The following PRELID2 variants were observed in gnomAD, a reference collection of about 807,000 sequenced individuals.
PRELID2 encodes the protein PRELI domain containing 2.
In PRELID2, 25 loss-of-function variants were observed where a neutral mutation model predicts 28.4. That is an observed-to-expected ratio of 0.88 (90% CI 0.64 to 1.23). The LOEUF (loss-of-function observed/expected upper bound fraction) is 1.23, where lower values mean the gene tolerates loss of function less well. Among genes scored for constraint, PRELID2 ranks in the 50% most tolerant of loss-of-function variants. The pLI, the probability that PRELID2 is intolerant of heterozygous loss-of-function variation, is 0.00. For missense variants in PRELID2, 201 were observed against 214.4 expected (o/e 0.94, Z 0.39); for synonymous variants, 76 against 71.6 (o/e 1.06, Z -0.31).
intron 1 of PRELID2, among the ~76,000 whole-genome samples, chr5:145,603,989 T>C (rs1456578862): frequency 6.6e-6 from 1 of 151,878 alleles, no homozygotes; most frequent in African/African-American, 2.4e-5. Context: ...TGAAAGGAAA[T>C]TAAAAATACT....
chr5:145,424,086 T>C, the PRELID2 span, among the ~76,000 whole-genome samples: 1 of 151,276 alleles, frequency 6.6e-6, no homozygotes, highest in African/African-American at 2.4e-5. Context: ...GGAGGCAGTC[T>C]GCCTGTTCTC....
intron 5 of PRELID2, chr5:145,795,436 T>C (rs1428405524): frequency 6.6e-6 from 1 of 152,070 alleles, no homozygotes; most frequent in Non-Finnish European, 1.5e-5. Flanking sequence ...TACAGAACGG[T>C]ACTGAATATT....
At chr5:145,407,477 C>T in the PRELID2 span, among the ~76,000 whole-genome samples, 5 of 152,212 alleles carry the variant, frequency 3.3e-5, no homozygotes, top group Non-Finnish European at 5.9e-5. Context: ...AGAGTCTGAG[C>T]TCAGACATGC....
intron 1 of PRELID2, among the ~76,000 whole-genome samples, chr5:145,519,771 A>C (rs955131055): frequency 2.0e-5 from 3 of 152,234 alleles, no homozygotes; most frequent in African/African-American, 7.2e-5. Context: ...ATTAAAATTA[A>C]TTGAAAGTGC....
the PRELID2 span, among the ~76,000 whole-genome samples, chr5:145,438,076 G>A: frequency 6.6e-6 from 1 of 152,040 alleles, no homozygotes; most frequent in Non-Finnish European, 1.5e-5. Context: ...CCTCACCTGA[G>A]CCAGGAAGCA....
the PRELID2 span, among the ~76,000 whole-genome samples, chr5:145,466,015 T>C: frequency 5.9e-5 from 9 of 152,160 alleles, no homozygotes; most frequent in Admixed American, 5.2e-4. Flanking sequence ...AAATTTTCCC[T>C]GAGCTGAGAC....
the PRELID2 span, among the ~76,000 whole-genome samples, chr5:145,371,583 A>G: frequency 1.3e-5 from 2 of 151,518 alleles, no homozygotes; most frequent in Admixed American, 6.6e-5. Context: ...TTTTTTTGTT[A>G]TGTCTCTTCC....
intron 1 of PRELID2, among the ~76,000 whole-genome samples, chr5:145,482,721 C>A (rs978663388): frequency 1.3e-5 from 2 of 151,648 alleles, no homozygotes; most frequent in Non-Finnish European, 2.9e-5. Context: ...TACAACTCAC[C>A]ATAATGTAGA....
chr5:145,409,265 C>T, the PRELID2 span, among the ~76,000 whole-genome samples: 2 of 152,206 alleles, frequency 1.3e-5, no homozygotes, highest in African/African-American at 4.8e-5. Flanking sequence ...AATAGAACCT[C>T]CTTAAAGCAT....
chr5:145,774,715 C>T (rs1382667020), intron 5 of PRELID2, among the ~76,000 whole-genome samples: 2 of 152,096 alleles, frequency 1.3e-5, no homozygotes, highest in African/African-American at 4.8e-5. Context: ...ACTATTAGGC[C>T]CAGCAGGGTA....
chr5:145,229,927 A>G, the PRELID2 span: 9 of 750,932 alleles, frequency 1.2e-5, no homozygotes, highest in African/African-American at 1.0e-4. Context: ...TCTCTCTACA[A>G]TGAGGAGCTG....
At chr5:145,823,015 A>G (rs1754935557) in intron 2 of PRELID2, 62 bp downstream of exon 2, 12 of 929,408 alleles carry the variant, frequency 1.3e-5, no homozygotes, top group East Asian at 2.4e-5. Flanking sequence ...ACGTACACAC[A>G]TCTTTACAAA....
chr5:145,803,735 T>TAAAAA (rs11368542), intron 4 of PRELID2, among the ~76,000 whole-genome samples: 7 of 134,714 alleles, frequency 5.2e-5, no homozygotes, highest in Admixed American at 1.5e-4. Context: ...CAATTTAAAG[T>TAAAAA]AAAAAAAAAA....
At chr5:145,611,950 A>G (rs73311546) in intron 1 of PRELID2, among the ~76,000 whole-genome samples, 4,608 of 152,330 alleles carry the variant, frequency 0.03, 223 homozygotes, top group African/African-American at 0.1. Flanking sequence ...ACAAACATTG[A>G]CAAATAGACC....
Position 145,723,324 on chromosome 5 carries a change from G to A in PRELID2, n.70+41607C>T, listed in dbSNP as rs77699360. Among the ~76,000 whole-genome samples, 789 of 152,236 alleles carry A rather than the reference G, an allele frequency of 5.2e-3. 7 individuals are homozygous for A. Among genetic ancestry groups the A allele is most frequent in the African/African-American group, 0.016 (684 of 41,538 alleles). On this transcript the variant is annotated intron_variant and non_coding_transcript_variant, in intron 1 of 2. Coordinates refer to the PRELID2 transcript ENST00000510259. ...TTTTATACAAAAACACTACAGAAAC[G>A]TGCAAGACTTGTACCAAATATCCTA...
chr5:145,607,693 T>C (rs1753524807), intron 1 of PRELID2, among the ~76,000 whole-genome samples: 1 of 152,146 alleles, frequency 6.6e-6, no homozygotes, highest in South Asian at 2.1e-4. Flanking sequence ...GTATGCCACA[T>C]GCAGATGGGA....
intron 1 of PRELID2, among the ~76,000 whole-genome samples, chr5:145,676,311 G>A (rs977557299): frequency 5.9e-5 from 9 of 151,924 alleles, no homozygotes; most frequent in African/African-American, 1.5e-4. Context: ...CAGCCAAGGC[G>A]GGCAGATCAC....
chr5:145,341,209 AT>A, the PRELID2 span, among the ~76,000 whole-genome samples: 12 of 152,236 alleles, frequency 7.9e-5, no homozygotes, highest in Admixed American at 7.2e-4. Flanking sequence ...GAAAAAAAAA[AT>A]GATGCCCCCA....
At chr5:145,414,460 C>G in the PRELID2 span, among the ~76,000 whole-genome samples, 1 of 152,294 alleles carries the variant, frequency 6.6e-6, no homozygotes, top group South Asian at 2.1e-4. Context: ...TAGTTACCCT[C>G]TTTACTTATT....
Sources: gnomAD v4.1 joint callset for allele counts (sites outside exome capture counted in the v4.1 genomes callset) on GRCh38, gnomAD v4.1.1 for gene constraint, MANE v1.5 for transcripts, NCBI Gene and HGNC (gene_info 2026-07-23, HGNC 2026-07-21) for gene names.